The following HK1 variants were observed in gnomAD, a reference collection of about 807,000 sequenced individuals.
HK1 encodes the protein hexokinase-1.
In HK1, 28 loss-of-function variants were observed where a neutral mutation model predicts 91.6. The ratio of observed to expected loss-of-function variants is 0.31; its 90% CI spans 0.23 to 0.42. The LOEUF (loss-of-function observed/expected upper bound fraction) is 0.42, where lower values mean the gene tolerates loss of function less well. Ranked by LOEUF, HK1 falls within the 10% of genes least tolerant of loss-of-function variation. The pLI is 1.00. For synonymous variants in HK1, 430 were observed against 468.1 expected (o/e 0.92, Z 1.05); for missense variants, 770 against 1,219.8 (o/e 0.63, Z 5.49).
intron 2 of HK1, among the ~76,000 whole-genome samples, chr10:69,285,172 C>T (rs1401637423): frequency 6.6e-6 from 1 of 152,016 alleles, no homozygotes; most frequent in Non-Finnish European, 1.5e-5. Flanking sequence ...CGGTGGCTCA[C>T]GCCTGTAATC....
Position 69,389,262 on chromosome 10 carries a change from T to C in HK1, c.2001T>C (p.Tyr667=), listed in dbSNP as rs1243236797. The change falls in exon 14 of 18, where the codon TAT becomes TAC. Residue 667 remains tyrosine, a synonymous_variant. Coordinates refer to ENST00000359426, the MANE Select transcript of HK1 (RefSeq NM_000188.3). ...DTVGTMMTCA[Y]EEPTCEVGLI... ...TGGGCACCATGATGACCTGTGCTTA[T>C]GAGGAGCCCACCTGTGAGGTTGGAC... The C allele has an allele frequency of 6.2e-7, 1 of 1,613,384 alleles. No homozygotes were observed. The highest frequency in any genetic ancestry group is 8.5e-7 in the Non-Finnish European group (1 of 1,179,598).
At chr10:69,276,163 ATAAG>A (rs1377537273) in intron 1 of HK1, among the ~76,000 whole-genome samples, 1 of 139,212 alleles carries the variant, frequency 7.2e-6, no homozygotes, top group African/African-American at 2.6e-5. Context: ...TCTATATTAA[ATAAG>A]TAATTCTATA....
chr10:69,375,834 C>T (rs1005734003), intron 7 of HK1, among the ~76,000 whole-genome samples: 1 of 152,202 alleles, frequency 6.6e-6, no homozygotes, highest in Non-Finnish European at 1.5e-5. Context: ...TTGCCAGCTC[C>T]CGGCTGGGCC....
Position 69,280,787 on chromosome 10 carries a change from C to T in HK1, c.-390-1742C>T, listed in dbSNP as rs190516837. Among the ~76,000 whole-genome samples, 292 of 152,292 alleles carry T rather than the reference C, an allele frequency of 1.9e-3. 1 individual carries two copies. The highest frequency in any genetic ancestry group is 6.5e-3 in the African/African-American group (272 of 41,560). ...TACATTTCCATCATTTGTAAGTTAC[C>T]TAGCCAATGGTAATTTGTTGTAGCA... On this transcript the variant is annotated intron_variant, in intron 1 of 21. Coordinates refer to the HK1 transcript ENST00000360289.
At chr10:69,379,070 G>T (rs1469960300) in intron 8 of HK1, among the ~76,000 whole-genome samples, 1 of 152,084 alleles carries the variant, frequency 6.6e-6, no homozygotes, top group Non-Finnish European at 1.5e-5. Context: ...ACAGATGTTT[G>T]CTGGGTATAT....
rs763597530 is a variant in HK1, at chr10:69,398,585, T to TC, written c.2376-5dup. The TC allele has an allele frequency of 4.3e-6, 7 of 1,610,504 alleles. 1 individual carries two copies. Among genetic ancestry groups the TC allele is most frequent in the African/African-American group, 2.7e-5 (2 of 74,998 alleles). ...GCTTCATCCAGCCCTCTGGCTCTTG[T>TC]CCCCCACAGTGACCGATTAGCACTG... On this transcript the variant is annotated splice_polypyrimidine_tract_variant and intron_variant, in intron 16 of 17. Coordinates refer to ENST00000359426, the MANE Select transcript of HK1 (RefSeq NM_000188.3).
In HK1 at chr10:69,371,334, C is replaced by G. The variant is rs547021996; in HGVS notation, c.875+1710C>G. Reference sequence around the variant, plus strand: ...TTACCATACCCCCCCCCACCCCGCCCAATCCATTGACCCCACTGGCATGAC... The same window carrying G: ...TTACCATACCCCCCCCCACCCCGCCGAATCCATTGACCCCACTGGCATGAC... On this transcript the variant is annotated intron_variant, in intron 7 of 17. Transcript: ENST00000359426. Among the ~76,000 whole-genome samples, 101 of 150,128 alleles carry G rather than the reference C, an allele frequency of 6.7e-4. 2 individuals are homozygous for G. The highest frequency in any genetic ancestry group is 1.3e-3 in the Non-Finnish European group (85 of 67,680).
intron 2 of HK1, among the ~76,000 whole-genome samples, chr10:69,347,136 A>C (rs564059010): frequency 1.3e-5 from 2 of 151,614 alleles, no homozygotes; most frequent in Non-Finnish European, 2.9e-5. Context: ...AGCACCCCCT[A>C]CGTAGCTGGG....
chr10:69,369,743 C>A lies in HK1; in HGVS notation c.875+119C>A. The A allele has an allele frequency of 3.8e-6, 4 of 1,057,852 alleles. No individual in the cohort carries two copies. The highest frequency in any genetic ancestry group is 2.9e-4 in the Middle Eastern group (1 of 3,436). The allele number at this position is 1,057,852 out of a possible 1,614,324, so 65.5% of individuals were successfully genotyped here. A position where few individuals can be genotyped will look rare whatever the true frequency, so the allele number is the denominator to read the frequency against. ...AGTGATCACAAACAGAAAAGCCTGT[C>A]ACATTTTTTTTTTGAGGCGGAGTCT... is the stretch of plus-strand genomic sequence containing the variant. On this transcript the variant is annotated intron_variant, in intron 7 of 17. Coordinates refer to ENST00000359426, the MANE Select transcript of HK1 (RefSeq NM_000188.3). This position sits in a 1 kb window ranked among gnomAD's most constrained non-coding sequence, Gnocchi z 4.4.
intron 1 of HK1, 126 bp downstream of exon 1, chr10:69,319,136 C>A: frequency 8.8e-7 from 1 of 1,134,848 alleles, no homozygotes; most frequent in Non-Finnish European, 1.3e-6. Context: ...AGTTGGACTG[C>A]AGGGCGCAAG....
At position 69,386,367 on chromosome 10, in the gene HK1, C is replaced by A; in HGVS notation, c.1884C>A (p.Cys628Ter). Residue 628 changes from cysteine (C) to a stop codon, truncating the protein, a stop_gained, in exon 13 of 18, where the codon TGC becomes TGA. Transcript: ENST00000359426. LOFTEE classifies it high-confidence loss of function. ...CAAAGGGTTTTAAGGCAACAGACTGCGTGGGCCACGATGTAGTCACCTTAC... is the reference window on the plus strand; with the variant it reads ...CAAAGGGTTTTAAGGCAACAGACTGAGTGGGCCACGATGTAGTCACCTTAC... ...TWTKGFKATD[C>*]VGHDVVTLLR... 6.2e-7 allele frequency: 1 copy of A among 1,613,922 alleles called. No individual in the cohort carries two copies. The highest frequency in any genetic ancestry group is 8.5e-7 in the Non-Finnish European group (1 of 1,179,854).
chr10:69,324,211 AT>A (rs1025660834), intron 1 of HK1, among the ~76,000 whole-genome samples: 1 of 152,168 alleles, frequency 6.6e-6, no homozygotes, highest in Non-Finnish European at 1.5e-5. Flanking sequence ...AAAATGTTTG[AT>A]TTTTTTATTA....
chr10:69,310,900 T>C (rs1322328329), upstream of HK1, among the ~76,000 whole-genome samples: 1 of 151,900 alleles, frequency 6.6e-6, no homozygotes, highest in Non-Finnish European at 1.5e-5. Flanking sequence ...CTACTAAAAA[T>C]ACAAAATTTA....
At chr10:69,316,215 G>A (rs1302516063), upstream of HK1, among the ~76,000 whole-genome samples, 1 of 152,192 alleles carries the variant, frequency 6.6e-6, no homozygotes, top group African/African-American at 2.4e-5. Context: ...AAGTGGGAAA[G>A]AGTGGAGTCG....
At chr10:69,384,761 A>G (rs201272897) in intron 11 of HK1, 35 bp from the exon 12 acceptor site, 46 of 1,613,930 alleles carry the variant, frequency 2.9e-5, no homozygotes, top group Non-Finnish European at 3.7e-5. Flanking sequence ...TTAAAACCAC[A>G]GAGAGCACGG....
chr10:69,308,701 T>TCC (rs1846220383), intron 5 of HK1, among the ~76,000 whole-genome samples: 2 of 152,194 alleles, frequency 1.3e-5, no homozygotes, highest in Non-Finnish European at 2.9e-5. Flanking sequence ...TACCTGCCTT[T>TCC]AGTTTTGCTT....
chr10:69,309,978 A>G (rs1163169360), intron 5 of HK1, among the ~76,000 whole-genome samples: 1 of 150,210 alleles, frequency 6.7e-6, no homozygotes, highest in Admixed American at 6.7e-5. Flanking sequence ...TGAACCCGGG[A>G]GGCGGAGGTC....
Position 69,398,599 on chromosome 10 carries a change from C to A in HK1, c.2380C>A (p.Arg794=). 6.2e-7 allele frequency: 1 copy of A among 1,612,834 alleles called. No individual in the cohort carries two copies. Among genetic ancestry groups the A allele is most frequent in the Non-Finnish European group, 8.5e-7 (1 of 1,179,442 alleles). Residue 794 remains arginine, a synonymous_variant, in exon 17 of 18, where the codon CGA becomes AGA. Transcript: ENST00000359426. ...TKFLSQIESD[R]LALLQVRAIL... ...TCTGGCTCTTGTCCCCCACAGTGAC[C>A]GATTAGCACTGCTCCAGGTCCGGGC...
intron 3 of HK1, among the ~76,000 whole-genome samples, chr10:69,295,011 CAGAG>C (rs3086615): frequency 1.3e-4 from 16 of 125,100 alleles, no homozygotes; most frequent in Admixed American, 4.3e-4. Context: ...GCCTGGGCAA[CAGAG>C]AGAGAGAGAG....
Sources: gnomAD v4.1 joint callset for allele counts (sites outside exome capture counted in the v4.1 genomes callset) on GRCh38, gnomAD v4.1.1 for gene constraint, Gnocchi (gnomAD v3.1) non-coding constraint, MANE v1.5 for transcripts, NCBI Gene and HGNC (gene_info 2026-07-23, HGNC 2026-07-21) for gene names.